FGF14: variants seen among roughly 807,000 people sequenced by gnomAD.
FGF14 encodes the protein fibroblast growth factor 14.
In FGF14, 5 loss-of-function variants were observed where a neutral mutation model predicts 25.5. The observed-to-expected ratio is 0.20, with a 90% CI of 0.10 to 0.41. The LOEUF (loss-of-function observed/expected upper bound fraction) is 0.41, where lower values mean the gene tolerates loss of function less well. Ranked by LOEUF, FGF14 falls within the 10% of genes least tolerant of loss-of-function variation. The pLI is 1.00. For missense variants in FGF14, 222 were observed against 320.1 expected (o/e 0.69, Z 2.34); for synonymous variants, 138 against 118.3 (o/e 1.17, Z -1.08).
At chr13:102,357,334 C>CA (rs2139016336) in intron 1 of FGF14, among the ~76,000 whole-genome samples, 1 of 152,042 alleles carries the variant, frequency 6.6e-6, no homozygotes, top group East Asian at 1.9e-4. Flanking sequence ...AAGTGGGGCC[C>CA]AGAGGTCTCC....
chr13:101,839,774 G>A (rs1404045755), intron 3 of FGF14, among the ~76,000 whole-genome samples: 7 of 151,896 alleles, frequency 4.6e-5, no homozygotes, highest in Non-Finnish European at 4.4e-5. Context: ...TCATTTTGAC[G>A]ATCATCACAT....
intron 1 of FGF14, among the ~76,000 whole-genome samples, chr13:102,286,861 G>A (rs2054123736): frequency 6.6e-6 from 1 of 152,076 alleles, no homozygotes; most frequent in East Asian, 1.9e-4. Context: ...TTCTAAAGAA[G>A]GCAAACATTT....
chr13:102,043,946 T>C (rs554887478), intron 1 of FGF14, among the ~76,000 whole-genome samples: 80 of 152,156 alleles, frequency 5.3e-4, no homozygotes, highest in Non-Finnish European at 8.8e-4. Context: ...ATCAGAAGGA[T>C]CTCTGAAATT....
At chr13:102,037,430 A>T (rs1346417582) in intron 1 of FGF14, among the ~76,000 whole-genome samples, 2 of 151,868 alleles carry the variant, frequency 1.3e-5, no homozygotes, top group Non-Finnish European at 2.9e-5. Context: ...AAATTGCATC[A>T]CTCTGTGCTT....
intron 1 of FGF14, among the ~76,000 whole-genome samples, chr13:102,150,868 GC>G (rs2047054964): frequency 6.6e-6 from 1 of 152,188 alleles, no homozygotes; most frequent in Non-Finnish European, 1.5e-5. Context: ...GCATAGGACA[GC>G]CCCTACAATT....
rs754090600 is a variant in FGF14, at chr13:101,714,459, G to A, written c.*8372C>T. 1.4e-5 allele frequency: 22 copies of A among 1,608,382 alleles called. No individual in the cohort carries two copies. In the Admixed American group the frequency reaches 2.3e-4, roughly 17 times the overall value. On this transcript the variant is annotated 3_prime_UTR_variant, in exon 5 of 5. Transcript: ENST00000376143. ...TCAGGTTCTTGTCATTGTGGGAAGT[G>A]CATTTGTTCTGCTGAAGAGTGGTAT...
chr13:101,801,339 G>A (rs2040856078), intron 3 of FGF14, among the ~76,000 whole-genome samples: 1 of 151,828 alleles, frequency 6.6e-6, no homozygotes, highest in South Asian at 2.1e-4. Flanking sequence ...TATGCTCAAT[G>A]CAGATGTTGA....
At chr13:102,123,530 A>AG (rs2045823104) in intron 1 of FGF14, among the ~76,000 whole-genome samples, 1 of 150,006 alleles carries the variant, frequency 6.7e-6, no homozygotes, top group Non-Finnish European at 1.5e-5. Flanking sequence ...AAAAAGAAAT[A>AG]GTACTAAACA....
At chr13:102,100,851 A>G (rs954148158) in intron 1 of FGF14, among the ~76,000 whole-genome samples, 3 of 152,180 alleles carry the variant, frequency 2.0e-5, no homozygotes, top group African/African-American at 7.2e-5. Flanking sequence ...TGTAATCCCA[A>G]CACTTTGGGA....
At chr13:101,882,953 T>C (rs1206589376) in intron 1 of FGF14, among the ~76,000 whole-genome samples, 1 of 152,020 alleles carries the variant, frequency 6.6e-6, no homozygotes, top group Non-Finnish European at 1.5e-5. Flanking sequence ...AATAATCCTC[T>C]CTACAGAATC....
At chr13:102,381,154 T>G (rs1359253397) in intron 1 of FGF14, among the ~76,000 whole-genome samples, 3 of 152,214 alleles carry the variant, frequency 2.0e-5, no homozygotes, top group Non-Finnish European at 4.4e-5. Context: ...GCAGTCTGAA[T>G]GCATATTGCT....
intron 1 of FGF14, among the ~76,000 whole-genome samples, chr13:102,263,713 C>T (rs1326978092): frequency 6.6e-6 from 1 of 152,076 alleles, no homozygotes; most frequent in Non-Finnish European, 1.5e-5. Context: ...ATTCATATTG[C>T]TTTTAATTCA....
intron 3 of FGF14, among the ~76,000 whole-genome samples, chr13:101,831,653 A>G (rs2140282837): frequency 6.6e-6 from 1 of 152,186 alleles, no homozygotes; most frequent in South Asian, 2.1e-4. Flanking sequence ...TTCATTATTC[A>G]CTCATTTAGT....
chr13:101,904,892 T>A (rs1373040179), intron 1 of FGF14, among the ~76,000 whole-genome samples: 1 of 152,164 alleles, frequency 6.6e-6, no homozygotes, highest in Non-Finnish European at 1.5e-5. Context: ...CTTTAGCAAC[T>A]TTTGCAACTT....
intron 1 of FGF14, among the ~76,000 whole-genome samples, chr13:102,347,381 G>C (rs1315659050): frequency 6.6e-6 from 1 of 152,162 alleles, no homozygotes; most frequent in African/African-American, 2.4e-5. Flanking sequence ...TGCTGAAGGA[G>C]CACCCAGTGT....
chr13:101,817,332 T>A (rs905015603), intron 3 of FGF14, among the ~76,000 whole-genome samples: 1 of 152,134 alleles, frequency 6.6e-6, no homozygotes, highest in African/African-American at 2.4e-5. Flanking sequence ...TAACAAAGAA[T>A]CTTTAAATAC....
At chr13:101,853,296 G>A (rs2043952284) in intron 3 of FGF14, among the ~76,000 whole-genome samples, 1 of 151,968 alleles carries the variant, frequency 6.6e-6, no homozygotes, top group African/African-American at 2.4e-5. Flanking sequence ...CACCCCTTTG[G>A]GAGTGGCAAG....
intron 3 of FGF14, among the ~76,000 whole-genome samples, chr13:101,753,803 C>CAAA (rs34402522): frequency 1.8e-5 from 2 of 110,608 alleles, no homozygotes; most frequent in African/African-American, 6.5e-5. Context: ...AACTCCGTCT[C>CAAA]AAAAAAAAAA....
intron 1 of FGF14, among the ~76,000 whole-genome samples, chr13:102,199,495 G>A (rs1369062490): frequency 6.6e-6 from 1 of 152,118 alleles, no homozygotes; most frequent in Non-Finnish European, 1.5e-5. Context: ...ACTTGATTAG[G>A]TAGCAAACCT....
Sources: gnomAD v4.1 joint callset for allele counts (sites outside exome capture counted in the v4.1 genomes callset) on GRCh38, gnomAD v4.1.1 for gene constraint, MANE v1.5 for transcripts, NCBI Gene and HGNC (gene_info 2026-07-23, HGNC 2026-07-21) for gene names.